The following DDAH1 variants were observed in gnomAD, a reference collection of about 807,000 sequenced individuals.
DDAH1 encodes N(G),N(G)-dimethylarginine dimethylaminohydrolase 1.
A neutral mutation model predicts 28.8 loss-of-function variants in DDAH1; 19 were observed. The ratio of observed to expected loss-of-function variants is 0.66; its 90% CI spans 0.46 to 0.97. The LOEUF is 0.97. DDAH1 is among the 50% of genes least tolerant of loss of function. The pLI, the probability that DDAH1 is intolerant of heterozygous loss-of-function variation, is 0.00. For synonymous variants in DDAH1, 153 were observed against 154.4 expected (o/e 0.99, Z 0.07); for missense variants, 326 against 375.9 (o/e 0.87, Z 1.10).
chr1:85,362,107 A>T (rs1649827514), intron 1 of DDAH1, among the ~76,000 whole-genome samples: 2 of 152,100 alleles, frequency 1.3e-5, no homozygotes, highest in African/African-American at 4.8e-5. Flanking sequence ...TTTCCTGTGA[A>T]TTAAAATTAT....
intron 1 of DDAH1, among the ~76,000 whole-genome samples, chr1:85,502,607 C>T (rs1656859793): frequency 1.3e-5 from 2 of 152,150 alleles, no homozygotes; most frequent in South Asian, 4.1e-4. Context: ...CATCTTAGTA[C>T]CTCCCTAAGA....
intron 5 of DDAH1, 86 bp downstream of exon 5, chr1:85,324,654 A>T (rs1647255530): frequency 1.4e-6 from 2 of 1,454,144 alleles, no homozygotes; most frequent in East Asian, 4.6e-5. Context: ...ATACAGGAAA[A>T]GGAGGCTCCT....
intron 1 of DDAH1, among the ~76,000 whole-genome samples, chr1:85,434,298 T>C (rs1248597337): frequency 6.6e-6 from 1 of 152,216 alleles, no homozygotes; most frequent in Admixed American, 6.5e-5. Flanking sequence ...TTGTGATGCC[T>C]CCTTACCAGA....
chr1:85,424,688 T>C (rs1653311397), intron 1 of DDAH1, among the ~76,000 whole-genome samples: 2 of 152,096 alleles, frequency 1.3e-5, no homozygotes, highest in African/African-American at 4.8e-5. Context: ...CTGAGTTCCC[T>C]AAGGATTTAT....
chr1:85,530,352 CTAAG>C (rs1658050582), intron 1 of DDAH1, among the ~76,000 whole-genome samples: 1 of 152,182 alleles, frequency 6.6e-6, no homozygotes, highest in African/African-American at 2.4e-5. Flanking sequence ...CGTCACTGTC[CTAAG>C]TATTAGTTTG....
chr1:85,522,222 ATTCT>A (rs142606380), intron 1 of DDAH1, among the ~76,000 whole-genome samples: 1,587 of 14,892 alleles, frequency 0.11, 126 homozygotes, highest in South Asian at 0.15. Flanking sequence ...TGGTCTAGCG[ATTCT>A]TTCTATGTTC....
chr1:85,500,071 T>C (rs1656740951), intron 1 of DDAH1, among the ~76,000 whole-genome samples: 1 of 151,910 alleles, frequency 6.6e-6, no homozygotes, highest in Admixed American at 6.5e-5. Flanking sequence ...TCTTTTCTTT[T>C]CTTTCCTTTC....
intron 1 of DDAH1, among the ~76,000 whole-genome samples, chr1:85,402,923 A>C (rs1009933766): frequency 2.8e-4 from 42 of 152,014 alleles, no homozygotes; most frequent in African/African-American, 7.2e-4. Context: ...AAAAAAAAAA[A>C]AAACTTCTGA....
intron 1 of DDAH1, among the ~76,000 whole-genome samples, chr1:85,456,801 A>T (rs915396930): frequency 6.6e-6 from 1 of 152,252 alleles, no homozygotes; most frequent in Non-Finnish European, 1.5e-5. Flanking sequence ...ATTATGGGTC[A>T]AGGGGGAAAA....
rs376741780 is a variant in DDAH1, at chr1:85,512,072, C to G, written c.-122-15791G>C. Among the ~76,000 whole-genome samples, 58 of 152,330 alleles carry G rather than the reference C, an allele frequency of 3.8e-4. No individual in the cohort carries two copies. In the East Asian group the frequency reaches 0.01, roughly 26 times the overall value. On this transcript the variant is annotated intron_variant, in intron 1 of 6. Transcript: ENST00000426972. ...AAAAGAGAATTTTAGACCAATATCT[C>G]TGATGAACATCGATGCGAAAATCCT...
rs973388045 is a variant in DDAH1 at position 85,574,633 on chromosome 1, A to G, written c.-123+3351T>C. 7.2e-5 allele frequency among the ~76,000 whole-genome samples: 11 copies of G among 152,068 alleles called. No individual in the cohort carries two copies. The East Asian group carries it at 9.6e-4, about 13-fold the overall frequency. On this transcript the variant is annotated intron_variant, in intron 1 of 6. Transcript: ENST00000426972. ...AATATGCCTTACAGTCCTGCGGGGG[A>G]CGTTCAATATTAAAATCCTCTTTCT...
In DDAH1 at chr1:85,457,983, C is replaced by A. The variant is rs1297446584; in HGVS notation, c.303+6760G>T. Among the ~76,000 whole-genome samples, 7 of 150,994 alleles carry A rather than the reference C, an allele frequency of 4.6e-5. No homozygotes were observed. The Admixed American group carries it at 4.7e-4, about 10-fold the overall frequency. On this transcript the variant is annotated intron_variant, in intron 1 of 5. Transcript: ENST00000284031. The stretch of plus-strand genomic sequence containing the variant: ...GGATTACAGGCGTGAGCCACCACAC[C>A]CAGCCCAAAACGTCTTTTAATAAAG...
chr1:85,331,817 G>A (rs560730952), intron 4 of DDAH1, among the ~76,000 whole-genome samples: 1 of 152,298 alleles, frequency 6.6e-6, no homozygotes, highest in South Asian at 2.1e-4. Context: ...ATAGCAAGTA[G>A]ATAATCATAC....
chr1:85,396,256 T>A (rs1343126225), intron 1 of DDAH1, among the ~76,000 whole-genome samples: 2 of 152,178 alleles, frequency 1.3e-5, no homozygotes, highest in South Asian at 4.1e-4. Context: ...GGCTGGATAA[T>A]TTATGAAGAA....
At chr1:85,495,665 A>T (rs1656560727) in intron 2 of DDAH1, 1 of 152,224 alleles carries the variant, frequency 6.6e-6, no homozygotes, top group Non-Finnish European at 1.5e-5. Context: ...CATATCATTC[A>T]TTAAGGTCTG....
Position 85,324,818 on chromosome 1 carries a change from G to T in DDAH1, c.663C>A (p.Asn221Lys). 1 of 1,614,114 alleles carries T rather than the reference G, an allele frequency of 6.2e-7. No individual in the cohort carries two copies. Among genetic ancestry groups the T allele is most frequent in the East Asian group, 2.2e-5 (1 of 44,868 alleles). ...TGTTGGGGATATTTAGATATATACAGTTTGCTGCTATGTCATCAGGCACAG... is the reference window on the plus strand; with the variant it reads ...TGTTGGGGATATTTAGATATATACATTTTGCTGCTATGTCATCAGGCACAG... ...KLTVPDDIAA[N>K]CIYLNIPNKG... Residue 221 changes from asparagine (N) to lysine (K), a missense_variant, in exon 5 of 6, where the codon AAC (asparagine) becomes AAA (lysine). Transcript: ENST00000284031.
intron 1 of DDAH1, among the ~76,000 whole-genome samples, chr1:85,539,062 A>C (rs10873707): frequency 0.15 from 22,416 of 152,090 alleles, 2,041 homozygotes; most frequent in Admixed American, 0.26. Context: ...TTCAATTACC[A>C]TCTAAATGAA....
intron 2 of DDAH1, among the ~76,000 whole-genome samples, chr1:85,470,941 G>A (rs1033703552): frequency 1.3e-5 from 2 of 152,182 alleles, no homozygotes; most frequent in African/African-American, 4.8e-5. Flanking sequence ...GCCTGAATTT[G>A]ATTCCTGGCC....
At chr1:85,451,891 G>A (rs936719512) in intron 1 of DDAH1, among the ~76,000 whole-genome samples, 1 of 152,172 alleles carries the variant, frequency 6.6e-6, no homozygotes, top group Non-Finnish European at 1.5e-5. Context: ...TATGCTTTCT[G>A]AACACCTGCC....
Sources: gnomAD v4.1 joint callset for allele counts (sites outside exome capture counted in the v4.1 genomes callset) on GRCh38, gnomAD v4.1.1 for gene constraint, MANE v1.5 for transcripts, NCBI Gene and HGNC (gene_info 2026-07-23, HGNC 2026-07-21) for gene names.